ATXN1: variants seen among roughly 807,000 people sequenced by gnomAD.
ATXN1 encodes ataxin 1, also known as ataxin-1.
In ATXN1, 8 loss-of-function variants were observed where a neutral mutation model predicts 56.4. The ratio of observed to expected loss-of-function variants is 0.14; its 90% confidence interval spans 0.08 to 0.26. The LOEUF is 0.26. Among genes scored for constraint, ATXN1 ranks in the 10% least tolerant of loss-of-function variants. The probability of loss-of-function intolerance (pLI) is 1.00; values close to 1 mark genes in which losing one functional copy is unlikely to be tolerated. For missense variants in ATXN1, 987 were observed against 1,106.5 expected (o/e 0.89, Z 1.53); for synonymous variants, 514 against 494.6 (o/e 1.04, Z -0.52).
intron 3 of ATXN1, among the ~76,000 whole-genome samples, chr6:16,640,628 A>G (rs1763691501): frequency 6.6e-6 from 1 of 152,090 alleles, no homozygotes; most frequent in Non-Finnish European, 1.5e-5. Flanking sequence ...GCTTGCAGTA[A>G]GCAGAGATCG....
chr6:16,737,489 T>C (rs745731253), intron 2 of ATXN1: 2 of 152,142 alleles, frequency 1.3e-5, no homozygotes, highest in African/African-American at 2.4e-5. Flanking sequence ...TAATGACAAA[T>C]AGATTTTCAT....
chr6:16,309,266 T>A (rs1035961236), intron 7 of ATXN1, among the ~76,000 whole-genome samples: 9 of 149,292 alleles, frequency 6.0e-5, no homozygotes, highest in Non-Finnish European at 1.5e-5. Context: ...TAATAATAAT[T>A]AATTAATTAA....
At chr6:16,389,754 T>C (rs1414801349) in intron 6 of ATXN1, among the ~76,000 whole-genome samples, 1 of 152,224 alleles carries the variant, frequency 6.6e-6, no homozygotes, top group Non-Finnish European at 1.5e-5. Flanking sequence ...CTGACTCACA[T>C]AGGCACTGCA....
rs187702629 is a variant in ATXN1, at chr6:16,446,407, A to T, written c.-161+39565T>A. 8.3e-4 allele frequency among the ~76,000 whole-genome samples: 127 copies of T among 152,346 alleles called. 1 individual carries two copies. The highest frequency in any genetic ancestry group is 3.4e-3 in the Middle Eastern group (1 of 294). Reference sequence around the variant, plus strand: ...TTGGTAATTTGGCAGTGTTTCTCAAATGTGGTTTCCCACAGCCTTCCTTTG... The same window carrying T: ...TTGGTAATTTGGCAGTGTTTCTCAATTGTGGTTTCCCACAGCCTTCCTTTG... On this transcript the variant is annotated intron_variant, in intron 6 of 7. Coordinates refer to ENST00000436367, the MANE Select transcript of ATXN1 (RefSeq NM_001128164.2).
At chr6:16,402,074 C>T (rs926985650) in intron 6 of ATXN1, among the ~76,000 whole-genome samples, 2 of 151,946 alleles carry the variant, frequency 1.3e-5, no homozygotes, top group Admixed American at 6.6e-5. Flanking sequence ...TCCATTACCA[C>T]GAGAACAGCA....
At chr6:16,690,604 T>C (rs1467781275) in intron 2 of ATXN1, among the ~76,000 whole-genome samples, 1 of 152,152 alleles carries the variant, frequency 6.6e-6, no homozygotes, top group African/African-American at 2.4e-5. Context: ...CATTGGAAAA[T>C]ATATTTCCAT....
chr6:16,340,504 T>C (rs1028169821), intron 6 of ATXN1, among the ~76,000 whole-genome samples: 2 of 152,188 alleles, frequency 1.3e-5, no homozygotes, highest in Admixed American at 6.5e-5. Flanking sequence ...ATATGCCTCT[T>C]ACCCTGGCTA....
intron 6 of ATXN1, among the ~76,000 whole-genome samples, chr6:16,440,459 C>A (rs915735309): frequency 6.8e-6 from 1 of 146,586 alleles, no homozygotes; most frequent in African/African-American, 2.6e-5. Flanking sequence ...AAAAAAAAAC[C>A]ATTTTCTAGA....
chr6:16,721,687 A>G (rs1041852762), intron 2 of ATXN1, among the ~76,000 whole-genome samples: 1 of 152,198 alleles, frequency 6.6e-6, no homozygotes, highest in Non-Finnish European at 1.5e-5. Context: ...TAATGTAATA[A>G]TTTACAAAAT....
At chr6:16,752,777 C>T (rs950879085) in intron 2 of ATXN1, among the ~76,000 whole-genome samples, 7 of 152,162 alleles carry the variant, frequency 4.6e-5, no homozygotes, top group Admixed American at 3.9e-4. Context: ...TTGTAAAATC[C>T]AAACAGACAC....
Position 16,305,171 on chromosome 6 carries a change from C to T in ATXN1, c.*1158G>A, listed in dbSNP as rs752971778. 6.6e-6 allele frequency: 1 copy of T among 152,268 alleles called. No individual in the cohort carries two copies. The highest frequency in any genetic ancestry group is 2.4e-5 in the African/African-American group (1 of 41,310). 9.4% of individuals were successfully genotyped at this position (152,268 alleles called of 1,614,324 possible). On this transcript the variant is annotated 3_prime_UTR_variant, in exon 8 of 8. Transcript: ENST00000436367. Reference sequence around the variant, plus strand: ...GATACAGTACTTGTTGAATGAGAGACCAAGATGCTTGGTAATAAAGTGTGA... The same window carrying T: ...GATACAGTACTTGTTGAATGAGAGATCAAGATGCTTGGTAATAAAGTGTGA...
chr6:16,318,313 TTC>T (rs1477884141), intron 7 of ATXN1, among the ~76,000 whole-genome samples: 3 of 152,208 alleles, frequency 2.0e-5, no homozygotes, highest in African/African-American at 7.2e-5. Context: ...GAGCAATGAA[TTC>T]TCTCATAAGC....
intron 1 of ATXN1, among the ~76,000 whole-genome samples, chr6:16,755,409 A>T (rs1760856754): frequency 6.6e-6 from 1 of 152,188 alleles, no homozygotes; most frequent in African/African-American, 2.4e-5. Context: ...CCAAAAATGG[A>T]ATACTCAATA....
rs184768177 is a variant in ATXN1 at position 16,581,443 on chromosome 6, C to A, written c.-361+4337G>T. Among the ~76,000 whole-genome samples the A allele has an allele frequency of 1.2e-3, 180 of 152,068 alleles. 1 individual carries two copies. The highest frequency in any genetic ancestry group is 4.2e-3 in the African/African-American group (174 of 41,462). On this transcript the variant is annotated intron_variant, in intron 4 of 7. Transcript: ENST00000436367. The stretch of plus-strand genomic sequence containing the variant: ...AGTAAATCCGAAGCTAAAAATGCAG[C>A]CTTTACCAAATGCAGGTCAAGGCCT...
intron 6 of ATXN1, among the ~76,000 whole-genome samples, chr6:16,336,919 T>C (rs181478917): frequency 2.5e-4 from 38 of 152,334 alleles, no homozygotes; most frequent in Non-Finnish European, 3.8e-4. Context: ...TGGATACGAC[T>C]ATACTTGAAG....
intron 6 of ATXN1, among the ~76,000 whole-genome samples, chr6:16,457,923 C>G (rs577559279): frequency 2.6e-5 from 4 of 152,110 alleles, no homozygotes; most frequent in Non-Finnish European, 5.9e-5. Flanking sequence ...CAACATGGGA[C>G]CTTCTCTCTC....
chr6:16,365,778 A>C (rs1360347534), intron 6 of ATXN1, among the ~76,000 whole-genome samples: 8 of 152,210 alleles, frequency 5.3e-5, no homozygotes, highest in Admixed American at 4.6e-4. Flanking sequence ...TAATGACCTC[A>C]TTTTTAAAAA....
At chr6:16,722,715 A>C (rs936031211) in intron 2 of ATXN1, among the ~76,000 whole-genome samples, 2 of 152,224 alleles carry the variant, frequency 1.3e-5, no homozygotes, top group African/African-American at 4.8e-5. Context: ...CTGAGTCTCT[A>C]TTGGCTTTAC....
At chr6:16,383,989 A>G (rs1348256780) in intron 6 of ATXN1, among the ~76,000 whole-genome samples, 1 of 152,232 alleles carries the variant, frequency 6.6e-6, no homozygotes, top group African/African-American at 2.4e-5. Flanking sequence ...CCAAACAGTC[A>G]TGCCAAGGTT....
Sources: allele counts gnomAD v4.1 joint callset (sites outside exome capture counted in the v4.1 genomes callset), GRCh38; gene constraint gnomAD v4.1.1; transcripts MANE v1.5; gene names NCBI Gene and HGNC (gene_info 2026-07-23, HGNC 2026-07-21).